GLIS3: variants seen among roughly 807,000 people sequenced by gnomAD.
GLIS3 encodes zinc finger protein GLIS3.
Under a neutral mutation model 78.6 loss-of-function variants are expected in GLIS3, and 53 were observed. That is an observed-to-expected ratio of 0.67 (90% CI 0.54 to 0.85). GLIS3 has a LOEUF of 0.85. Among genes scored for constraint, GLIS3 ranks in the 40% least tolerant of loss-of-function variants. The probability of loss-of-function intolerance (pLI) is 0.00; values close to 1 mark genes in which losing one functional copy is unlikely to be tolerated. For missense variants in GLIS3, 1,703 were observed against 1,231.1 expected (o/e 1.38, Z -5.74); for synonymous variants, 684 against 509.9 (o/e 1.34, Z -4.60).
At position 3,898,835 on chromosome 9, in the gene GLIS3, A is replaced by G. The variant is rs1217743216; in HGVS notation, c.1984T>C (p.Leu662=). Residue 662 remains leucine, a splice_region_variant and synonymous_variant, in exon 7 of 11, where the codon TTG becomes CTG. Coordinates refer to ENST00000381971, the MANE Select transcript of GLIS3 (RefSeq NM_001042413.2). ...SSKEQQARKK[L]RSSTELHPDL... ...GGATGGAGCTCTGTGCTGGACCGCA[A>G]CTAAGAGGACAAAACGGAAGAGACA... is the stretch of plus-strand genomic sequence containing the variant. The G allele has an allele frequency of 1.9e-6, 3 of 1,613,978 alleles. No individual in the cohort carries two copies. The highest frequency in any genetic ancestry group is 1.7e-6 in the Non-Finnish European group (2 of 1,180,048).
chr9:4,380,210 T>C, the GLIS3 span, among the ~76,000 whole-genome samples: 1 of 152,254 alleles, frequency 6.6e-6, no homozygotes, highest in African/African-American at 2.4e-5. Flanking sequence ...TCTAACAGAA[T>C]AAATTTGCCT....
At chr9:4,232,921 G>C (rs937000377) in intron 2 of GLIS3, among the ~76,000 whole-genome samples, 2 of 152,166 alleles carry the variant, frequency 1.3e-5, no homozygotes, top group Non-Finnish European at 2.9e-5. Context: ...ACCTCCAGTG[G>C]TAGAATCAGT....
chr9:4,297,626 C>A (rs1254823321), intron 1 of GLIS3, among the ~76,000 whole-genome samples: 1 of 152,208 alleles, frequency 6.6e-6, no homozygotes, highest in Non-Finnish European at 1.5e-5. Flanking sequence ...CGCGACTCCA[C>A]GAGTCCTGTC....
chr9:4,152,310 A>C (rs1370155727), intron 2 of GLIS3: 1 of 155,146 alleles, frequency 6.4e-6, no homozygotes, highest in East Asian at 1.9e-4. Context: ...ATTGCAGAGA[A>C]TGTAGGAGGA....
the GLIS3 span, among the ~76,000 whole-genome samples, chr9:4,369,597 C>T: frequency 2.0e-5 from 3 of 152,158 alleles, no homozygotes; most frequent in Admixed American, 6.5e-5. Context: ...ACACCCTCCC[C>T]TGGCTGTAGG....
the GLIS3 span, among the ~76,000 whole-genome samples, chr9:4,404,536 G>T: frequency 6.6e-6 from 1 of 152,102 alleles, no homozygotes; most frequent in African/African-American, 2.4e-5. Flanking sequence ...GATCACATTG[G>T]AATAAAACTT....
rs1346182957 is a variant in GLIS3 at position 4,235,314 on chromosome 9, A to AAAC, written c.388+50721_388+50723dup. ...ACTCTGTCTCAAAAAAAAAAAAAAA[A>AAAC]AACTGATGGGGGGAGTCATTGAGTG... On this transcript the variant is annotated intron_variant, in intron 2 of 10. Transcript: ENST00000381971. Among the ~76,000 whole-genome samples, 512 of 151,468 alleles carry AAAC rather than the reference A, an allele frequency of 3.4e-3. 6 individuals are homozygous for AAAC. Among genetic ancestry groups the AAAC allele is most frequent in the Non-Finnish European group, 5.6e-3 (380 of 67,814 alleles).
the GLIS3 span, among the ~76,000 whole-genome samples, chr9:4,450,055 A>G: frequency 6.6e-6 from 1 of 152,214 alleles, no homozygotes; most frequent in African/African-American, 2.4e-5. Flanking sequence ...TCTCCAAGCT[A>G]AAGAAGGATG....
intron 2 of GLIS3, among the ~76,000 whole-genome samples, chr9:4,179,461 G>A (rs1282240199): frequency 6.6e-6 from 1 of 152,062 alleles, no homozygotes; most frequent in East Asian, 1.9e-4. Context: ...TAGTCCTGGG[G>A]TATTATTAAT....
At chr9:4,199,033 G>A (rs1217737463) in intron 2 of GLIS3, among the ~76,000 whole-genome samples, 1 of 152,104 alleles carries the variant, frequency 6.6e-6, no homozygotes, top group East Asian at 1.9e-4. Flanking sequence ...CACCACCACT[G>A]GACCAATCTT....
At chr9:3,845,739 GCACACACACACC>G (rs1818993465) in intron 9 of GLIS3, among the ~76,000 whole-genome samples, 2 of 151,858 alleles carry the variant, frequency 1.3e-5, no homozygotes, top group Non-Finnish European at 2.9e-5. Context: ...GCCCACGCAC[GCACACACACACC>G]CACACACACA....
intron 4 of GLIS3, among the ~76,000 whole-genome samples, chr9:4,003,891 A>G (rs1821326963): frequency 6.6e-6 from 1 of 152,194 alleles, no homozygotes. Flanking sequence ...TGTTAAATTT[A>G]TTTGGTAAAT....
chr9:4,263,943 G>A (rs982868846), intron 2 of GLIS3, among the ~76,000 whole-genome samples: 1 of 151,974 alleles, frequency 6.6e-6, no homozygotes, highest in Non-Finnish European at 1.5e-5. Context: ...CCTCCTTTGG[G>A]TTGGTCCTTT....
intron 6 of GLIS3, among the ~76,000 whole-genome samples, chr9:3,911,104 CCTTCCTTCCTTCCTTCCTTTCCTTT>C: frequency 6.6e-6 from 1 of 151,382 alleles, no homozygotes; most frequent in East Asian, 2.0e-4. Flanking sequence ...TTCCTTTCTT[CCTTCCTTCCTTCCTTCCTTTCCTTT>C]CTTCCTTCCT....
intron 4 of GLIS3, among the ~76,000 whole-genome samples, chr9:4,085,575 A>G (rs1342101579): frequency 2.0e-5 from 3 of 151,926 alleles, no homozygotes; most frequent in Non-Finnish European, 4.4e-5. Flanking sequence ...AATTATTGAC[A>G]TATTATAAAT....
At chr9:3,850,034 A>T (rs913922738) in intron 9 of GLIS3, among the ~76,000 whole-genome samples, 4 of 152,244 alleles carry the variant, frequency 2.6e-5, no homozygotes, top group Admixed American at 2.6e-4. Flanking sequence ...GTGTATTAAA[A>T]ATAAGGTCTT....
chr9:4,344,907 G>C (rs149808516), intron 2 of GLIS3, among the ~76,000 whole-genome samples: 1 of 152,120 alleles, frequency 6.6e-6, no homozygotes, highest in Non-Finnish European at 1.5e-5. Context: ...AATATATCCA[G>C]ATTTCACACT....
chr9:4,428,986 C>A, the GLIS3 span, among the ~76,000 whole-genome samples: 1 of 152,140 alleles, frequency 6.6e-6, no homozygotes, highest in Non-Finnish European at 1.5e-5. Flanking sequence ...ATTTCCAAAA[C>A]CTCATCCTAG....
At position 4,027,688 on chromosome 9, in the gene GLIS3, A is replaced by C. The variant is rs111919674; in HGVS notation, c.1710+90080T>G. Among the ~76,000 whole-genome samples, 89 of 152,342 alleles carry C rather than the reference A, an allele frequency of 5.8e-4. 1 individual carries two copies. The highest frequency in any genetic ancestry group is 2.1e-3 in the African/African-American group (87 of 41,578). ...AAACAGTCTGATAAGCTCATACTGA[A>C]ATCATTTCAGCAATCACATTTGACA... is the stretch of plus-strand genomic sequence containing the variant. On this transcript the variant is annotated intron_variant, in intron 4 of 10. Coordinates refer to ENST00000381971, the MANE Select transcript of GLIS3 (RefSeq NM_001042413.2).
Sources: gnomAD v4.1 joint callset for allele counts (sites outside exome capture counted in the v4.1 genomes callset) on GRCh38, gnomAD v4.1.1 for gene constraint, MANE v1.5 for transcripts, NCBI Gene and HGNC (gene_info 2026-07-23, HGNC 2026-07-21) for gene names.